The following PARD6B variants were observed in gnomAD, a reference collection of about 807,000 sequenced individuals.
PARD6B encodes partitioning defective 6 homolog beta.
Under a neutral mutation model 10.5 loss-of-function variants are expected in PARD6B, and 4 were observed. That is an observed-to-expected ratio of 0.38 (90% CI 0.19 to 0.87). The LOEUF (loss-of-function observed/expected upper bound fraction) is 0.87. Ranked by LOEUF, PARD6B falls within the 40% of genes least tolerant of loss-of-function variation. The probability of loss-of-function intolerance (pLI) is 0.41; values close to 1 mark genes in which losing one functional copy is unlikely to be tolerated. For synonymous variants in PARD6B, 169 were observed against 170.4 expected (o/e 0.99, Z 0.07); for missense variants, 396 against 470.6 (o/e 0.84, Z 1.47).
chr20:50,732,862 A>G (rs1173891859), intron 1 of PARD6B, among the ~76,000 whole-genome samples: 1 of 151,812 alleles, frequency 6.6e-6, no homozygotes, highest in Non-Finnish European at 1.5e-5. Flanking sequence ...AGAATTGAGA[A>G]GGCCAAAACA....
chr20:50,735,741 T>TTGTTTTATCTTG (rs2087496211), intron 1 of PARD6B, among the ~76,000 whole-genome samples: 1 of 152,230 alleles, frequency 6.6e-6, no homozygotes, highest in African/African-American at 2.4e-5. Flanking sequence ...ATTGTTTTTA[T>TTGTTTTATCTTG]CATAACAGTT....
In PARD6B at chr20:50,742,421, A is replaced by G. The variant is rs190295089; in HGVS notation, c.289+4342A>G. Among the ~76,000 whole-genome samples, 677 of 151,646 alleles carry G rather than the reference A, an allele frequency of 4.5e-3. 5 individuals carry two copies. Among genetic ancestry groups the G allele is most frequent in the African/African-American group, 0.015 (630 of 41,298 alleles). The stretch of plus-strand genomic sequence containing the variant: ...TACTCTGTTGCCCAGGCTAGAGTGC[A>G]GTGGTGTGATCTCGGCTCACTGCAG... On this transcript the variant is annotated intron_variant, in intron 2 of 2. Coordinates refer to ENST00000371610, the MANE Select transcript of PARD6B (RefSeq NM_032521.3).
In PARD6B at chr20:50,752,941, T is replaced by C; in HGVS notation, c.*2453T>C. On this transcript the variant is annotated 3_prime_UTR_variant, in exon 3 of 3. Coordinates refer to ENST00000371610, the MANE Select transcript of PARD6B (RefSeq NM_032521.3). ...TTTAATGGCATTCCGGCTTTAACAT[T>C]CTGTGAGTCTTACAAATTTGACTCT... is the stretch of plus-strand genomic sequence containing the variant. 1 of 983,898 alleles carries C rather than the reference T, an allele frequency of 1.0e-6. No individual in the cohort carries two copies. Among genetic ancestry groups the C allele is most frequent in the Non-Finnish European group, 1.2e-6 (1 of 828,122 alleles). The allele number at this position is 983,898 out of a possible 1,614,324, so 60.9% of individuals were successfully genotyped here.
chr20:50,743,814 A>G (rs1055505242), intron 2 of PARD6B, among the ~76,000 whole-genome samples: 48 of 151,166 alleles, frequency 3.2e-4, no homozygotes, highest in East Asian at 2.4e-3. Context: ...GCATGAACCC[A>G]GGAGGCGGAG....
intron 1 of PARD6B, among the ~76,000 whole-genome samples, chr20:50,735,322 T>C (rs1379202131): frequency 6.6e-6 from 1 of 152,226 alleles, no homozygotes; most frequent in Non-Finnish European, 1.5e-5. Context: ...TCTTCCTAAT[T>C]GTATCTCTAG....
In PARD6B at chr20:50,749,835, C is replaced by G; in HGVS notation, c.466C>G (p.Arg156Gly). The G allele has an allele frequency of 6.2e-7, 1 of 1,614,120 alleles. No individual in the cohort carries two copies. Among genetic ancestry groups the G allele is most frequent in the East Asian group, 2.2e-5 (1 of 44,884 alleles). The change falls in exon 3 of 3, where the codon CGT becomes GGT. Residue 156 changes from arginine (R) to glycine (G), a missense_variant. Arg to Gly is a moderately radical substitution (Grantham distance 125, BLOSUM62 -2). Transcript: ENST00000371610. ...IDVDILPETHRRVRLYKYGTE... is the reference protein window; with the variant it reads ...IDVDILPETHGRVRLYKYGTE... ...CGTGGATATTCTCCCAGAAACGCAT[C>G]GTAGGGTACGTCTTTACAAATACGG...
intron 1 of PARD6B, among the ~76,000 whole-genome samples, chr20:50,733,450 A>G (rs553748105): frequency 2.6e-5 from 4 of 152,138 alleles, no homozygotes; most frequent in Non-Finnish European, 5.9e-5. Context: ...ACAAAAACAA[A>G]AACGGCTTGG....
rs906666406 is a variant in PARD6B at position 50,750,731 on chromosome 20, T to A, written c.*243T>A. The A allele has an allele frequency of 1.7e-5, 22 of 1,276,684 alleles. No individual in the cohort carries two copies. The highest frequency in any genetic ancestry group is 2.2e-5 in the Non-Finnish European group (22 of 1,008,822). 79.1% of individuals were successfully genotyped at this position (1,276,684 alleles called of 1,614,324 possible). A position where few individuals can be genotyped will look rare whatever the true frequency, so the allele number is the denominator to read the frequency against. On this transcript the variant is annotated 3_prime_UTR_variant, in exon 3 of 3. Transcript: ENST00000371610. ...TGATGAAGTTACGTGCTTTTGCTGT[T>A]TTGTCTGTGGAGAATCAGATGTTAA...
Position 50,749,888 on chromosome 20 carries a change from C to T in PARD6B, c.519C>T (p.Ile173=), listed in dbSNP as rs1268636296. 1 of 1,614,102 alleles carries T rather than the reference C, an allele frequency of 6.2e-7. No homozygotes were observed. Among genetic ancestry groups the T allele is most frequent in the Non-Finnish European group, 8.5e-7 (1 of 1,180,020 alleles). ...YGTEKPLGFY[I]RDGSSVRVTP... ...CGGAGAAACCCCTAGGATTCTACAT[C>T]CGGGATGGCTCCAGTGTCAGGGTAA... Residue 173 remains isoleucine (I), a synonymous_variant, in exon 3 of 3, where the codon ATC becomes ATT. Transcript: ENST00000371610.
chr20:50,734,778 C>T (rs2087490956), intron 1 of PARD6B, among the ~76,000 whole-genome samples: 1 of 152,146 alleles, frequency 6.6e-6, no homozygotes, highest in African/African-American at 2.4e-5. Flanking sequence ...ACCTAGGCCT[C>T]CCAAAGTGTT....
Position 50,749,909 on chromosome 20 carries a change from G to C in PARD6B, c.540G>C (p.Arg180Ser). The C allele has an allele frequency of 6.2e-7, 1 of 1,614,184 alleles. No homozygotes were observed. The highest frequency in any genetic ancestry group is 8.5e-7 in the Non-Finnish European group (1 of 1,180,034). Residue 180 changes from arginine (R) to serine (S), a missense_variant, in exon 3 of 3, where the codon AGG becomes AGC. Physicochemically the swap from Arg to Ser is moderately radical, Grantham distance 110. Transcript: ENST00000371610. ...GFYIRDGSSV[R>S]VTPHGLEKVP... ...ACATCCGGGATGGCTCCAGTGTCAG[G>C]GTAACACCACATGGCTTAGAAAAGG...
chr20:50,731,887 C>T (rs878970173), intron 1 of PARD6B, 35 bp downstream of exon 1: 1 of 1,390,072 alleles, frequency 7.2e-7, no homozygotes, highest in East Asian at 3.1e-5. Flanking sequence ...AGCGGCGGGC[C>T]TGGGGGGCCG....
chr20:50,737,180 T>G (rs1214909788), intron 1 of PARD6B, among the ~76,000 whole-genome samples: 1 of 152,206 alleles, frequency 6.6e-6, no homozygotes, highest in Non-Finnish European at 1.5e-5. Context: ...GTAATTATTC[T>G]CTTTACCCAC....
chr20:50,739,640 A>G (rs889593289), intron 2 of PARD6B, among the ~76,000 whole-genome samples: 9 of 152,162 alleles, frequency 5.9e-5, no homozygotes, highest in South Asian at 2.1e-4. Context: ...ACCTCTGCCT[A>G]TATCACTTGA....
chr20:50,739,110 G>A (rs1389962241), intron 2 of PARD6B, among the ~76,000 whole-genome samples: 2 of 151,846 alleles, frequency 1.3e-5, no homozygotes, highest in African/African-American at 4.8e-5. Flanking sequence ...CTGGTATTGG[G>A]ATAAATTAAA....
Position 50,753,173 on chromosome 20 carries a change from T to C in PARD6B, c.*2685T>C, listed in dbSNP as rs1456195679. On this transcript the variant is annotated 3_prime_UTR_variant, in exon 3 of 3. Coordinates refer to ENST00000371610, the MANE Select transcript of PARD6B (RefSeq NM_032521.3). ...ATTTTAACTGTAAAATACAGATTTA[T>C]CTTGTACGCATTCATGGAAATGGAA... 1.0e-6 allele frequency: 1 copy of C among 984,956 alleles called. No homozygotes were observed. Among genetic ancestry groups the C allele is most frequent in the African/African-American group, 1.7e-5 (1 of 57,322 alleles). The allele number at this position is 984,956 out of a possible 1,614,324, so 61.0% of individuals were successfully genotyped here.
In PARD6B at chr20:50,750,059, A is replaced by G; in HGVS notation, c.690A>G (p.Gln230=). Reference sequence around the variant, plus strand: ...AAGTTTCAGGGAAGAGCCTTGATCAAGTAACAGACATGATGATTGCAAATA... The same window carrying G: ...AAGTTTCAGGGAAGAGCCTTGATCAGGTAACAGACATGATGATTGCAAATA... ...GIEVSGKSLD[Q]VTDMMIANSR... The change falls in exon 3 of 3, where the codon CAA becomes CAG. Residue 230 remains glutamine (Q), a synonymous_variant. Transcript: ENST00000371610. 1.2e-6 allele frequency: 2 copies of G among 1,614,264 alleles called. No individual in the cohort carries two copies. The highest frequency in any genetic ancestry group is 2.7e-5 in the African/African-American group (2 of 75,072).
chr20:50,751,951 A>G lies in PARD6B; in HGVS notation c.*1463A>G. 1 of 977,454 alleles carries G rather than the reference A, an allele frequency of 1.0e-6. No individual in the cohort carries two copies. The highest frequency in any genetic ancestry group is 1.1e-4 in the East Asian group (1 of 8,706). 60.5% of individuals were successfully genotyped at this position (977,454 alleles called of 1,614,324 possible). On this transcript the variant is annotated 3_prime_UTR_variant, in exon 3 of 3. Transcript: ENST00000371610. ...ACTCCTGACCTCAAGTGATCCGCCC[A>G]TCTCCTCCCAAAGTGCTGGATTGCA...
chr20:50,736,312 A>G (rs1233590666), intron 1 of PARD6B, among the ~76,000 whole-genome samples: 1 of 152,232 alleles, frequency 6.6e-6, no homozygotes, highest in Non-Finnish European at 1.5e-5. Flanking sequence ...CTTTCTCTAC[A>G]TGATGCTTAA....
Sources: allele counts gnomAD v4.1 joint callset (sites outside exome capture counted in the v4.1 genomes callset), GRCh38; gene constraint gnomAD v4.1.1; transcripts MANE v1.5; gene names NCBI Gene and HGNC (gene_info 2026-07-23, HGNC 2026-07-21).